Variants in KLHL6 observed in about 807,000 individuals in gnomAD.
The protein encoded by KLHL6 is kelch-like protein 6.
KLHL6 carries 41 observed loss-of-function variants against 58.6 expected under a neutral mutation model. The observed-to-expected ratio is 0.70, with a 90% CI of 0.55 to 0.91. The LOEUF is 0.91. Ranked by LOEUF, KLHL6 falls within the 40% of genes least tolerant of loss-of-function variation. The probability of loss-of-function intolerance (pLI) is 0.00; values close to 1 mark genes in which losing one functional copy is unlikely to be tolerated. For synonymous variants in KLHL6, 338 were observed against 322.7 expected (o/e 1.05, Z -0.51); for missense variants, 714 against 805.6 (o/e 0.89, Z 1.38).
intron 1 of KLHL6, among the ~76,000 whole-genome samples, chr3:183,545,675 A>G (rs1384929494): frequency 6.6e-6 from 1 of 151,770 alleles, no homozygotes; most frequent in Admixed American, 6.6e-5. Context: ...CTGGTGCAGA[A>G]CCCCTCTCCC....
Position 183,492,715 on chromosome 3 carries a change from G to A in KLHL6, c.1351-8C>T, listed in dbSNP as rs1429180595. 3 of 1,612,330 alleles carry A rather than the reference G, an allele frequency of 1.9e-6. No homozygotes were observed. The highest frequency in any genetic ancestry group is 1.3e-5 in the African/African-American group (1 of 75,004). ...GACAAGGAGGGGTGCGGCCTGTAGA[G>A]GCACAGGGCACAAGAAGAAGCTGTC... On this transcript the variant is annotated splice_polypyrimidine_tract_variant and splice_region_variant and intron_variant, in intron 5 of 6. Coordinates refer to ENST00000341319, the MANE Select transcript of KLHL6 (RefSeq NM_130446.4). This position sits in a 1 kb window ranked among gnomAD's most constrained non-coding sequence, Gnocchi z 5.9.
intron 2 of KLHL6, among the ~76,000 whole-genome samples, chr3:183,517,876 G>A (rs958979193): frequency 6.6e-6 from 1 of 152,206 alleles, no homozygotes; most frequent in Non-Finnish European, 1.5e-5. Flanking sequence ...TGCTCAGGGT[G>A]TGGTTTGTGT....
intron 1 of KLHL6, among the ~76,000 whole-genome samples, chr3:183,540,880 G>A (rs1334286211): frequency 6.6e-6 from 1 of 152,198 alleles, no homozygotes; most frequent in African/African-American, 2.4e-5. Context: ...GGTCGGCTCA[G>A]ATTCTCACTT....
chr3:183,553,893 C>T (rs1713016865), intron 1 of KLHL6, among the ~76,000 whole-genome samples: 1 of 151,376 alleles, frequency 6.6e-6, no homozygotes, highest in Non-Finnish European at 1.5e-5. Flanking sequence ...CTTGTCTTAT[C>T]AACACAGGAG....
In KLHL6 at chr3:183,487,619, A is replaced by G. The variant is rs904393570; in HGVS notation, c.*4308T>C. ...GTTTGGTTTTTAAAACCTATAAACA[A>G]TATTCTTAGTTTGATCACTTAAAAC... On this transcript the variant is annotated 3_prime_UTR_variant, in exon 7 of 7. Coordinates refer to ENST00000341319, the MANE Select transcript of KLHL6 (RefSeq NM_130446.4). The G allele has an allele frequency of 6.6e-6, 1 of 152,224 alleles. No homozygotes were observed. Among genetic ancestry groups the G allele is most frequent in the African/African-American group, 2.4e-5 (1 of 41,462 alleles). The allele number at this position is 152,224 out of a possible 1,614,324, so 9.4% of individuals were successfully genotyped here.
In KLHL6 at chr3:183,491,818, T is replaced by G. The variant is rs571404394; in HGVS notation, c.*109A>C. 59 of 988,474 alleles carry G rather than the reference T, an allele frequency of 6.0e-5. No homozygotes were observed. The highest frequency in any genetic ancestry group is 7.9e-5 in the Non-Finnish European group (56 of 709,054). 61.2% of individuals were successfully genotyped at this position (988,474 alleles called of 1,614,324 possible). On this transcript the variant is annotated 3_prime_UTR_variant, in exon 7 of 7. Coordinates refer to ENST00000341319, the MANE Select transcript of KLHL6 (RefSeq NM_130446.4). Reference sequence around the variant, plus strand: ...AAAGTGAGTCAAGGGGATCCCCTGATGTATGGCCTCAAACTCGAGCCTGCT... The same window carrying G: ...AAAGTGAGTCAAGGGGATCCCCTGAGGTATGGCCTCAAACTCGAGCCTGCT...
rs1717606190 is a variant in KLHL6, at chr3:183,492,764, A to G, written c.1351-57T>C. On this transcript the variant is annotated intron_variant, in intron 5 of 6. Coordinates refer to ENST00000341319, the MANE Select transcript of KLHL6 (RefSeq NM_130446.4). The surrounding 1 kb of genome is among the most constrained non-coding windows in gnomAD (Gnocchi z 5.9). ...TCAGTCATGCTGCCCAGATTGCTGC[A>G]GTAGCTCCCAGGATACAGGACAGAG... is the stretch of plus-strand genomic sequence containing the variant. 1.3e-6 allele frequency: 2 copies of G among 1,522,796 alleles called. No individual in the cohort carries two copies. The highest frequency in any genetic ancestry group is 2.7e-5 in the African/African-American group (2 of 73,152). 94.3% of individuals were successfully genotyped at this position (1,522,796 alleles called of 1,614,324 possible).
chr3:183,495,526 T>A (rs1271429640), intron 4 of KLHL6, among the ~76,000 whole-genome samples: 4 of 151,934 alleles, frequency 2.6e-5, no homozygotes, highest in Non-Finnish European at 5.9e-5. Context: ...TAAATGTAAA[T>A]TTTCAAAGAA....
At chr3:183,503,171 C>G (rs1231938685) in intron 3 of KLHL6, among the ~76,000 whole-genome samples, 2 of 152,262 alleles carry the variant, frequency 1.3e-5, no homozygotes. Context: ...ACCTTAATGA[C>G]TGCTCACTGT....
intron 2 of KLHL6, among the ~76,000 whole-genome samples, chr3:183,509,720 G>A (rs1477698288): frequency 6.6e-6 from 1 of 152,070 alleles, no homozygotes; most frequent in African/African-American, 2.4e-5. Context: ...GCTCAGAGGG[G>A]GCGCATGCTA....
At chr3:183,547,163 T>G (rs767648794) in intron 1 of KLHL6, among the ~76,000 whole-genome samples, 1 of 152,204 alleles carries the variant, frequency 6.6e-6, no homozygotes, top group Non-Finnish European at 1.5e-5. Flanking sequence ...TCCACCAGCT[T>G]CAGCCTCCCA....
At chr3:183,505,029 A>C (rs1170603709) in intron 3 of KLHL6, among the ~76,000 whole-genome samples, 1 of 152,210 alleles carries the variant, frequency 6.6e-6, no homozygotes, top group African/African-American at 2.4e-5. Context: ...GCTGCAAAAA[A>C]CATGATTGCA....
Position 183,499,828 on chromosome 3 carries a change from C to A in KLHL6, c.910-1G>T. ...TGGGCTTGGTGCGTTCCGAAATGAT[C>A]TGGAAATCGATGGGGGTACATGAAG... On this transcript the variant is annotated splice_acceptor_variant, in intron 3 of 6. Coordinates refer to ENST00000341319, the MANE Select transcript of KLHL6 (RefSeq NM_130446.4). LOFTEE classifies it high-confidence loss of function. The surrounding 1 kb of genome is among the most constrained non-coding windows in gnomAD (Gnocchi z 4.6). The A allele has an allele frequency of 6.4e-7, 1 of 1,567,618 alleles. No homozygotes were observed. Among genetic ancestry groups the A allele is most frequent in the Non-Finnish European group, 8.7e-7 (1 of 1,154,646 alleles).
chr3:183,532,410 A>T (rs1712191848), intron 1 of KLHL6, among the ~76,000 whole-genome samples: 1 of 152,232 alleles, frequency 6.6e-6, no homozygotes, highest in South Asian at 2.1e-4. Flanking sequence ...CATAGTCCAT[A>T]GTATTTTGTT....
chr3:183,501,386 C>G (rs1170503050), intron 3 of KLHL6, among the ~76,000 whole-genome samples: 4 of 152,214 alleles, frequency 2.6e-5, no homozygotes, highest in African/African-American at 9.6e-5. Flanking sequence ...CTATGTGGTC[C>G]TCTTTCGGAG....
chr3:183,525,056 G>A (rs960091811), intron 2 of KLHL6, among the ~76,000 whole-genome samples: 10 of 152,100 alleles, frequency 6.6e-5, no homozygotes, highest in Non-Finnish European at 1.3e-4. Flanking sequence ...ACAAGGTCAG[G>A]AGTTCAAGAC....
intron 2 of KLHL6, chr3:183,520,430 C>G (rs1208314177): frequency 6.6e-6 from 1 of 152,090 alleles, no homozygotes; most frequent in African/African-American, 2.4e-5. Context: ...AAATAAGACA[C>G]AGAGACAAAG....
intron 1 of KLHL6, among the ~76,000 whole-genome samples, chr3:183,536,592 T>C (rs1327499086): frequency 6.6e-6 from 1 of 152,174 alleles, no homozygotes; most frequent in Non-Finnish European, 1.5e-5. Flanking sequence ...TGTAAAATGG[T>C]ATAATAGTCC....
chr3:183,536,024 T>C (rs977573499), intron 1 of KLHL6, among the ~76,000 whole-genome samples: 3 of 152,190 alleles, frequency 2.0e-5, no homozygotes, highest in Non-Finnish European at 2.9e-5. Context: ...TCTGCCCCCC[T>C]CGGGCTCCCA....
Sources: gnomAD v4.1 joint callset for allele counts (sites outside exome capture counted in the v4.1 genomes callset) on GRCh38, gnomAD v4.1.1 for gene constraint, Gnocchi (gnomAD v3.1) non-coding constraint, MANE v1.5 for transcripts, NCBI Gene and HGNC (gene_info 2026-07-23, HGNC 2026-07-21) for gene names.